CAPRIN1: variants seen among roughly 807,000 people sequenced by gnomAD.
CAPRIN1 encodes cell cycle associated protein 1.
A neutral mutation model predicts 100.9 loss-of-function variants in CAPRIN1; 29 were observed. The observed-to-expected ratio is 0.29, with a 90% CI of 0.21 to 0.39. The LOEUF (loss-of-function observed/expected upper bound fraction) is 0.39. Among genes scored for constraint, CAPRIN1 ranks in the 10% least tolerant of loss-of-function variants. The pLI, the probability that CAPRIN1 is intolerant of heterozygous loss-of-function variation, is 1.00. For synonymous variants in CAPRIN1, 338 were observed against 307.5 expected (o/e 1.10, Z -1.04); for missense variants, 795 against 876.7 (o/e 0.91, Z 1.18).
rs180917207 is a variant in CAPRIN1, at chr11:34,081,685, A to T, written c.827-1140A>T. On this transcript the variant is annotated intron_variant, in intron 7 of 18. Transcript: ENST00000341394. Reference sequence around the variant, plus strand: ...AGTTTTTTTTGTATCTTTAGTAGAGACAGGGTTTCACCATATCGGCTAGGC... The same window carrying T: ...AGTTTTTTTTGTATCTTTAGTAGAGTCAGGGTTTCACCATATCGGCTAGGC... Among the ~76,000 whole-genome samples the T allele has an allele frequency of 1.1e-4, 17 of 152,100 alleles. No homozygotes were observed. In the East Asian group the frequency reaches 3.1e-3, roughly 28 times the overall value.
intron 9 of CAPRIN1, among the ~76,000 whole-genome samples, chr11:34,083,905 T>C (rs1851081322): frequency 6.6e-6 from 1 of 151,992 alleles, no homozygotes; most frequent in South Asian, 2.1e-4. Context: ...CAGTCTCTAC[T>C]TCAAAAACAA....
intron 2 of CAPRIN1, among the ~76,000 whole-genome samples, chr11:34,062,346 C>T (rs990916219): frequency 2.0e-5 from 3 of 152,256 alleles, no homozygotes; most frequent in Non-Finnish European, 4.4e-5. Context: ...AAAGATTGGA[C>T]CGGGCGCGGT....
intron 4 of CAPRIN1, among the ~76,000 whole-genome samples, chr11:34,073,022 G>T (rs1323692749): frequency 4.6e-5 from 7 of 152,208 alleles, no homozygotes; most frequent in Non-Finnish European, 7.3e-5. Context: ...TCTAGGCCGT[G>T]TAAGTACACT....
Position 34,100,024 on chromosome 11 carries a change from A to G in CAPRIN1, c.*657A>G, listed in dbSNP as rs973483041. 2 of 152,686 alleles carry G rather than the reference A, an allele frequency of 1.3e-5. No individual in the cohort carries two copies. The highest frequency in any genetic ancestry group is 4.8e-5 in the African/African-American group (2 of 41,466). The allele number at this position is 152,686 out of a possible 1,614,324, so 9.5% of individuals were successfully genotyped here. A position where few individuals can be genotyped will look rare whatever the true frequency, so the allele number is the denominator to read the frequency against. On this transcript the variant is annotated 3_prime_UTR_variant, in exon 19 of 19. Coordinates refer to ENST00000341394, the MANE Select transcript of CAPRIN1 (RefSeq NM_005898.5). ...GCTGATACTGTATAAGACAAAGCCAAGATGCAAAATTAGGCTTTGATTGGC... is the reference window on the plus strand; with the variant it reads ...GCTGATACTGTATAAGACAAAGCCAGGATGCAAAATTAGGCTTTGATTGGC...
chr11:34,057,635 T>C (rs952360038), intron 2 of CAPRIN1, among the ~76,000 whole-genome samples: 1 of 152,200 alleles, frequency 6.6e-6, no homozygotes, highest in Non-Finnish European at 1.5e-5. Context: ...ATTTTTGCAA[T>C]ACTTTTGCAA....
rs542878503 is a variant in CAPRIN1 at position 34,092,749 on chromosome 11, A to G, written c.1705+693A>G. ...GTTAGACAAAGTTAAGAAAAAACTC[A>G]TGGTGGCTGCATTTCGTGGACTGGG... On this transcript the variant is annotated intron_variant, in intron 15 of 18. Transcript: ENST00000341394. 2.5e-3 allele frequency among the ~76,000 whole-genome samples: 387 copies of G among 152,334 alleles called. 2 individuals are homozygous for G. The highest frequency in any genetic ancestry group is 4.1e-3 in the Non-Finnish European group (276 of 68,028).
chr11:34,069,095 T>C (rs1850758118), intron 2 of CAPRIN1, among the ~76,000 whole-genome samples: 2 of 152,188 alleles, frequency 1.3e-5, no homozygotes, highest in East Asian at 1.9e-4. Context: ...AGAGGAATTG[T>C]GATTATAATA....
chr11:34,086,345 C>T lies in CAPRIN1; in HGVS notation c.1163C>T (p.Ala388Val). 1 of 1,613,836 alleles carries T rather than the reference C, an allele frequency of 6.2e-7. No individual in the cohort carries two copies. The change falls in exon 11 of 19, where the codon GCC becomes GTC. Residue 388 changes from alanine (A) to valine (V), a missense_variant. Ala to Val is a moderately conservative substitution (Grantham distance 64). This residue lies in a region of CAPRIN1 where 648 missense variants were observed against 697.9 expected (regional missense o/e 0.93). Coordinates refer to ENST00000341394, the MANE Select transcript of CAPRIN1 (RefSeq NM_005898.5). ...TTTGAAAATCAGACACTTGATCCTGCCATTGTATCTGCACAGCCTATGAAT... is the reference window on the plus strand; with the variant it reads ...TTTGAAAATCAGACACTTGATCCTGTCATTGTATCTGCACAGCCTATGAAT... Reference protein sequence around the residue: ...LDFENQTLDPAIVSAQPMNPT... With the variant: ...LDFENQTLDPVIVSAQPMNPT...
At position 34,055,242 on chromosome 11, in the gene CAPRIN1, C is replaced by T. The variant is rs925208038; in HGVS notation, c.216+2606C>T. ...GCGGTAGGATGATCTTGGCTTCCTG[C>T]AACCTCCACCTCCCGGGTTCAAGTG... On this transcript the variant is annotated intron_variant, in intron 2 of 18. Transcript: ENST00000341394. 2.0e-5 allele frequency among the ~76,000 whole-genome samples: 3 copies of T among 152,040 alleles called. No homozygotes were observed. The South Asian group carries it at 6.2e-4, about 32-fold the overall frequency.
chr11:34,064,349 A>G (rs551553516), intron 2 of CAPRIN1, among the ~76,000 whole-genome samples: 21 of 152,310 alleles, frequency 1.4e-4, no homozygotes, highest in African/African-American at 4.8e-4. Flanking sequence ...ACACCAGTGG[A>G]CAAATTTTCT....
At chr11:34,077,244 T>C (rs1850926210) in intron 6 of CAPRIN1, among the ~76,000 whole-genome samples, 1 of 152,218 alleles carries the variant, frequency 6.6e-6, no homozygotes, top group Admixed American at 6.5e-5. Flanking sequence ...CTTAACTGTG[T>C]TTGAGGTGGA....
At chr11:34,094,724 G>GAGTT (rs755005153) in intron 15 of CAPRIN1, among the ~76,000 whole-genome samples, 1 of 152,206 alleles carries the variant, frequency 6.6e-6, no homozygotes, top group Non-Finnish European at 1.5e-5. Flanking sequence ...TTGAGCCCAG[G>GAGTT]AGTTCAAGGT....
chr11:34,099,425 A>G lies in CAPRIN1; in HGVS notation c.*58A>G, dbSNP rs1369829406. ...AACACACTGGCCAGTGTACCATAAT[A>G]TGTTACCAGAAGAGTTATTATCTAT... is the stretch of plus-strand genomic sequence containing the variant. On this transcript the variant is annotated 3_prime_UTR_variant, in exon 19 of 19. Transcript: ENST00000341394. 2 of 1,337,546 alleles carry G rather than the reference A, an allele frequency of 1.5e-6. No homozygotes were observed. The highest frequency in any genetic ancestry group is 2.3e-5 in the East Asian group (1 of 43,426). The allele number at this position is 1,337,546 out of a possible 1,614,324, so 82.9% of individuals were successfully genotyped here. A position where few individuals can be genotyped will look rare whatever the true frequency, so the allele number is the denominator to read the frequency against.
At position 34,086,060 on chromosome 11, in the gene CAPRIN1, T is replaced by C; in HGVS notation, c.967-4T>C. 1 of 1,613,362 alleles carries C rather than the reference T, an allele frequency of 6.2e-7. No homozygotes were observed. Among genetic ancestry groups the C allele is most frequent in the Non-Finnish European group, 8.5e-7 (1 of 1,179,776 alleles). On this transcript the variant is annotated splice_polypyrimidine_tract_variant and splice_region_variant and intron_variant, in intron 9 of 18. Coordinates refer to ENST00000341394, the MANE Select transcript of CAPRIN1 (RefSeq NM_005898.5). ...TCCTTCTAATCCTTTTTTTTCTACC[T>C]TAGGTGGTAAATTCACTCCAGCAGC...
rs1004348073 is a variant in CAPRIN1 at position 34,100,276 on chromosome 11, A to G, written c.*909A>G. ...TAAATTGGTACAGGTACTGATGAAA[A>G]TCTCTAGTGGATAATCATAACACTC... On this transcript the variant is annotated 3_prime_UTR_variant, in exon 19 of 19. Transcript: ENST00000341394. The G allele has an allele frequency of 1.3e-5, 2 of 152,086 alleles. No individual in the cohort carries two copies. Among genetic ancestry groups the G allele is most frequent in the African/African-American group, 4.8e-5 (2 of 41,410 alleles). 9.4% of individuals were successfully genotyped at this position (152,086 alleles called of 1,614,324 possible). A position where few individuals can be genotyped will look rare whatever the true frequency, so the allele number is the denominator to read the frequency against.
rs536545376 is a variant in CAPRIN1, at chr11:34,099,475, T to C, written c.*108T>C. On this transcript the variant is annotated 3_prime_UTR_variant, in exon 19 of 19. Transcript: ENST00000341394. Reference sequence around the variant, plus strand: ...TTTGTTCTCCCTTTCAGGAAACTTATTGTAAAGGGACTGTTTTCATCCCAT... The same window carrying C: ...TTTGTTCTCCCTTTCAGGAAACTTACTGTAAAGGGACTGTTTTCATCCCAT... 30 of 904,590 alleles carry C rather than the reference T, an allele frequency of 3.3e-5. No homozygotes were observed. The highest frequency in any genetic ancestry group is 1.3e-4 in the South Asian group (9 of 71,714). The allele number at this position is 904,590 out of a possible 1,614,324, so 56.0% of individuals were successfully genotyped here.
intron 2 of CAPRIN1, among the ~76,000 whole-genome samples, chr11:34,059,907 G>C (rs1850539437): frequency 6.8e-6 from 1 of 146,864 alleles, no homozygotes; most frequent in African/African-American, 2.5e-5. Flanking sequence ...TTTTAAGCTG[G>C]GTAGCAGGCT....
At chr11:34,076,947 C>A (rs1398698373) in intron 6 of CAPRIN1, among the ~76,000 whole-genome samples, 1 of 152,078 alleles carries the variant, frequency 6.6e-6, no homozygotes, top group Non-Finnish European at 1.5e-5. Flanking sequence ...GTAGGCCAGG[C>A]TGGTCTCGAA....
At chr11:34,079,911 T>TGTTTTTTG (rs1565091732) in intron 7 of CAPRIN1, 146 bp downstream of exon 7, 6 of 1,758 alleles carry the variant, frequency 3.4e-3, no homozygotes, top group African/African-American at 0.018. Flanking sequence ...CAAAGTTTTT[T>TGTTTTTTG]TTTTTTTTTT....
Sources: gnomAD v4.1 joint callset for allele counts (sites outside exome capture counted in the v4.1 genomes callset) on GRCh38, gnomAD v4.1.1 for gene constraint, gnomAD v4.1.1 regional missense constraint, MANE v1.5 for transcripts, NCBI Gene and HGNC (gene_info 2026-07-23, HGNC 2026-07-21) for gene names.